Variants in GMDS observed in about 807,000 individuals in gnomAD.
GMDS encodes the protein GDP-mannose 4,6-dehydratase, also known as GDP-mannose 4,6 dehydratase.
In GMDS, 20 loss-of-function variants were observed where a neutral mutation model predicts 49.9. The ratio of observed to expected loss-of-function variants is 0.40; its 90% confidence interval spans 0.28 to 0.58. GMDS has a LOEUF of 0.58. Ranked by LOEUF, GMDS falls within the 20% of genes least tolerant of loss-of-function variation. The pLI is 0.42. For synonymous variants in GMDS, 177 were observed against 178.6 expected (o/e 0.99, Z 0.07); for missense variants, 362 against 481.4 (o/e 0.75, Z 2.32).
chr6:1,827,153 G>GCA (rs549906355), intron 7 of GMDS, among the ~76,000 whole-genome samples: 14,366 of 130,592 alleles, frequency 0.11, 774 homozygotes, highest in East Asian at 0.19. Context: ...ATATATATAT[G>GCA]CACACACACA....
chr6:1,951,020 C>T (rs1337900356), intron 6 of GMDS, among the ~76,000 whole-genome samples: 2 of 152,126 alleles, frequency 1.3e-5, no homozygotes, highest in Non-Finnish European at 2.9e-5. Context: ...AGAAAAATAT[C>T]TCCAGACACT....
intron 4 of GMDS, among the ~76,000 whole-genome samples, chr6:2,015,917 T>C (rs1265876856): frequency 6.6e-6 from 1 of 151,938 alleles, no homozygotes; most frequent in East Asian, 1.9e-4. Flanking sequence ...AGTTTATGGT[T>C]TTTTTCTTTC....
At chr6:2,148,064 G>A (rs1001674079) in intron 1 of GMDS, among the ~76,000 whole-genome samples, 2 of 152,024 alleles carry the variant, frequency 1.3e-5, no homozygotes, top group African/African-American at 4.8e-5. Context: ...TAAACTCCCT[G>A]TTTCAGTCCT....
At chr6:2,027,989 TA>T (rs971727849) in intron 4 of GMDS, among the ~76,000 whole-genome samples, 1 of 152,088 alleles carries the variant, frequency 6.6e-6, no homozygotes, top group African/African-American at 2.4e-5. Flanking sequence ...AACAAAGGTT[TA>T]AAAAAAGCTT....
chr6:2,129,431 C>G (rs899140907), intron 1 of GMDS, among the ~76,000 whole-genome samples: 1 of 152,204 alleles, frequency 6.6e-6, no homozygotes, highest in Admixed American at 6.5e-5. Flanking sequence ...CCTGGCCCCT[C>G]TGAACTGCAT....
At chr6:2,149,901 C>T (rs73418780) in intron 1 of GMDS, among the ~76,000 whole-genome samples, 16,563 of 151,854 alleles carry the variant, frequency 0.11, 2,993 homozygotes, top group African/African-American at 0.38. Context: ...CTTTCTCTTT[C>T]TTTTTTTCAT....
intron 7 of GMDS, among the ~76,000 whole-genome samples, chr6:1,900,712 C>G (rs1760458000): frequency 6.6e-6 from 1 of 152,170 alleles, no homozygotes; most frequent in African/African-American, 2.4e-5. Context: ...GCCAGAGAAG[C>G]TGCTGGGTCA....
In GMDS at chr6:1,758,634, C is replaced by A. The variant is rs777768980; in HGVS notation, c.772-16048G>T. ...GGCCTGGAGCTACAGATTCAATAGG[C>A]CTGGGTGGAGCTGGAGAATGTGCAA... On this transcript the variant is annotated intron_variant, in intron 7 of 10. Coordinates refer to ENST00000380815, the MANE Select transcript of GMDS (RefSeq NM_001500.4). 3.3e-5 allele frequency among the ~76,000 whole-genome samples: 5 copies of A among 152,312 alleles called. No homozygotes were observed. In the South Asian group the frequency reaches 1.0e-3, roughly 32 times the overall value.
chr6:1,992,352 G>A lies in GMDS; in HGVS notation c.346-31386C>T, dbSNP rs562169130. 8.5e-5 allele frequency among the ~76,000 whole-genome samples: 13 copies of A among 152,198 alleles called. No individual in the cohort carries two copies. The South Asian group carries it at 1.5e-3, about 17-fold the overall frequency. ...ATGGCCACCACCTCACCTGAAGCAA[G>A]GCTGGTGATCATCCACTCCTCCCTC... On this transcript the variant is annotated intron_variant, in intron 4 of 10. Coordinates refer to ENST00000380815, the MANE Select transcript of GMDS (RefSeq NM_001500.4).
intron 9 of GMDS, among the ~76,000 whole-genome samples, chr6:1,660,569 C>T (rs1561707831): frequency 6.6e-6 from 1 of 151,584 alleles, no homozygotes; most frequent in African/African-American, 2.4e-5. Context: ...AAAATGAAAA[C>T]ATGTGTCAAT....
chr6:1,693,340 T>G (rs1193165599), intron 9 of GMDS, among the ~76,000 whole-genome samples: 1 of 152,214 alleles, frequency 6.6e-6, no homozygotes, highest in Non-Finnish European at 1.5e-5. Flanking sequence ...ATCACTGCAA[T>G]TCTCCTCACC....
intron 9 of GMDS, among the ~76,000 whole-genome samples, chr6:1,636,712 A>C (rs1763161180): frequency 6.6e-6 from 1 of 152,222 alleles, no homozygotes; most frequent in Non-Finnish European, 1.5e-5. Context: ...GCTGCCACAC[A>C]GGCAGCCCTT....
chr6:2,184,576 G>A (rs182725488), intron 1 of GMDS, among the ~76,000 whole-genome samples: 70 of 152,216 alleles, frequency 4.6e-4, no homozygotes, highest in South Asian at 4.6e-3. Flanking sequence ...GAGGCTGCCC[G>A]GACCTACATA....
intron 1 of GMDS, among the ~76,000 whole-genome samples, chr6:2,202,971 C>T (rs1332528899): frequency 6.6e-6 from 1 of 152,136 alleles, no homozygotes; most frequent in Non-Finnish European, 1.5e-5. Flanking sequence ...CTGTGCACCC[C>T]CTTTGGCCAG....
chr6:1,856,341 G>A (rs1159614882), intron 7 of GMDS, among the ~76,000 whole-genome samples: 1 of 152,166 alleles, frequency 6.6e-6, no homozygotes, highest in African/African-American at 2.4e-5. Flanking sequence ...GAGGTTGCCT[G>A]TATCTATTCC....
chr6:2,191,272 A>T lies in GMDS; in HGVS notation c.102+54049T>A, dbSNP rs1474696074. On this transcript the variant is annotated intron_variant, in intron 1 of 10. Coordinates refer to ENST00000380815, the MANE Select transcript of GMDS (RefSeq NM_001500.4). This position sits in a 1 kb window ranked among gnomAD's most constrained non-coding sequence, Gnocchi z 4.6. ...CCCCTGGGGAAGGGCCGCAAGCGGG[A>T]TGAGGGGGAGCTCTAGGCTGCCCCT... Among the ~76,000 whole-genome samples the T allele has an allele frequency of 6.6e-6, 1 of 152,048 alleles. No homozygotes were observed. Among genetic ancestry groups the T allele is most frequent in the Non-Finnish European group, 1.5e-5 (1 of 67,944 alleles).
At chr6:1,865,874 G>A (rs1241101695) in intron 7 of GMDS, among the ~76,000 whole-genome samples, 2 of 151,970 alleles carry the variant, frequency 1.3e-5, no homozygotes, top group Non-Finnish European at 2.9e-5. Flanking sequence ...GGCTGAGGGC[G>A]TACAATCCAC....
chr6:1,746,708 TA>T (rs1411823860), intron 7 of GMDS, among the ~76,000 whole-genome samples: 2 of 152,192 alleles, frequency 1.3e-5, no homozygotes, highest in African/African-American at 4.8e-5. Flanking sequence ...TTTATTTATT[TA>T]TTTATTTTTT....
chr6:2,240,631 A>T (rs1218567183), intron 1 of GMDS, among the ~76,000 whole-genome samples: 3 of 151,984 alleles, frequency 2.0e-5, no homozygotes, highest in Non-Finnish European at 2.9e-5. Flanking sequence ...GAAAAGAAAA[A>T]GAAAACCACC....
Sources: gnomAD v4.1 joint callset for allele counts (sites outside exome capture counted in the v4.1 genomes callset) on GRCh38, gnomAD v4.1.1 for gene constraint, Gnocchi (gnomAD v3.1) non-coding constraint, MANE v1.5 for transcripts, NCBI Gene and HGNC (gene_info 2026-07-23, HGNC 2026-07-21) for gene names.